Variants in SVEP1 observed in about 807,000 individuals in gnomAD.
SVEP1 encodes the protein sushi, von Willebrand factor type A, EGF and pentraxin domain-containing protein 1.
Under a neutral mutation model 367.3 loss-of-function variants are expected in SVEP1, and 164 were observed. The ratio of observed to expected loss-of-function variants is 0.45; its 90% CI spans 0.39 to 0.51. The LOEUF (loss-of-function observed/expected upper bound fraction) is 0.51, where lower values mean the gene tolerates loss of function less well. Among genes scored for constraint, SVEP1 ranks in the 20% least tolerant of loss-of-function variants. The probability of loss-of-function intolerance (pLI) is 0.00; values close to 1 mark genes in which losing one functional copy is unlikely to be tolerated. For synonymous variants in SVEP1, 1,666 were observed against 1,611.6 expected (o/e 1.03, Z -0.81); for missense variants, 4,117 against 4,425.3 (o/e 0.93, Z 1.98).
At position 110,366,607 on chromosome 9, in the gene SVEP1, T is replaced by TGAACTGAAGA. The variant is rs764464143; in HGVS notation, c.10695-57_10695-48dup. ...ACCAAATAGATTCAAAAGAAAAAAT[T>TGAACTGAAGA]GAACTGAAGAGCTAACATCTCTTTA... is the stretch of plus-strand genomic sequence containing the variant. On this transcript the variant is annotated intron_variant, in intron 47 of 47. Transcript: ENST00000374469. 7.3e-6 allele frequency: 11 copies of TGAACTGAAGA among 1,505,028 alleles called. No homozygotes were observed. The South Asian group carries it at 1.4e-4, about 19-fold the overall frequency. 93.2% of individuals were successfully genotyped at this position (1,505,028 alleles called of 1,614,324 possible).
chr9:110,489,855 G>A, intron 8 of SVEP1, 76 bp from the exon 9 acceptor site: 1 of 1,468,378 alleles, frequency 6.8e-7, no homozygotes, highest in Non-Finnish European at 9.1e-7. Context: ...TATATTATTA[G>A]TAATGTTAAC....
chr9:110,394,845 G>A (rs1827731105), intron 40 of SVEP1, among the ~76,000 whole-genome samples: 1 of 152,142 alleles, frequency 6.6e-6, no homozygotes, highest in African/African-American at 2.4e-5. Context: ...AGAAATATGG[G>A]ACTATGTGAA....
At chr9:110,451,528 C>G (rs900564964) in intron 22 of SVEP1, 126 bp from the exon 23 acceptor site, 1 of 599,352 alleles carries the variant, frequency 1.7e-6, no homozygotes, top group Non-Finnish European at 2.8e-6. Context: ...ATGTTTGTGA[C>G]AAACATGTTG....
intron 27 of SVEP1, among the ~76,000 whole-genome samples, chr9:110,440,921 C>T (rs1334224484): frequency 6.7e-6 from 1 of 149,192 alleles, no homozygotes; most frequent in Admixed American, 6.6e-5. Context: ...AAGGGCACAG[C>T]CATAAATTAA....
Position 110,481,394 on chromosome 9 carries a change from A to C in SVEP1, c.2213T>G (p.Phe738Cys). 6.2e-7 allele frequency: 1 copy of C among 1,604,206 alleles called. No individual in the cohort carries two copies. The highest frequency in any genetic ancestry group is 8.5e-7 in the Non-Finnish European group (1 of 1,175,368). ...TCCAGTATTATCTGGAGTGCATATA[A>C]AATCCCCATTTACAGGTGTGAATGG... is the stretch of plus-strand genomic sequence containing the variant. ...EIPFTPVNGD[F>C]ICTPDNTGVN... The change falls in exon 12 of 48, where the codon TTT (phenylalanine) becomes TGT (cysteine). Residue 738 changes from phenylalanine (F) to cysteine (C), a missense_variant. Physicochemically the swap from Phe to Cys is radical, Grantham distance 205. Around this residue, in one of 4 missense-constraint regions of SVEP1, gnomAD observed 2,174 missense variants for 2,494.3 expected, o/e 0.87. Transcript: ENST00000374469.
At chr9:110,412,801 C>T (rs952417988) in intron 36 of SVEP1, among the ~76,000 whole-genome samples, 10 of 152,218 alleles carry the variant, frequency 6.6e-5, no homozygotes, top group African/African-American at 2.4e-4. Context: ...TGCTCATCAT[C>T]ACTGGCCATC....
chr9:110,379,452 C>T lies in SVEP1; in HGVS notation c.10303G>A (p.Gly3435Arg), dbSNP rs751574081. The T allele has an allele frequency of 2.5e-6, 4 of 1,613,758 alleles. No individual in the cohort carries two copies. Among genetic ancestry groups the T allele is most frequent in the Non-Finnish European group, 3.4e-6 (4 of 1,179,780 alleles). Residue 3435 changes from glycine (G) to arginine (R), a missense_variant, in exon 44 of 48, where the codon GGA becomes AGA. Physicochemically the swap from Gly to Arg is moderately radical, Grantham distance 125. Coordinates refer to ENST00000374469, the MANE Select transcript of SVEP1 (RefSeq NM_153366.4). ...AIARGVHYQY[G>R]DMITYSCYSG... ...TAACATGAGTAGGTGATCATGTCTCCATATTGATAATGTACGCCTCGAGCA... is the reference window on the plus strand; with the variant it reads ...TAACATGAGTAGGTGATCATGTCTCTATATTGATAATGTACGCCTCGAGCA...
chr9:110,495,984 A>C (rs1829440074), intron 8 of SVEP1, among the ~76,000 whole-genome samples: 1 of 152,236 alleles, frequency 6.6e-6, no homozygotes, highest in African/African-American at 2.4e-5. Flanking sequence ...AAAGATCCTC[A>C]GAACCTAGTA....
chr9:110,390,341 T>TTATATATATACTTATATAAGTATA, intron 40 of SVEP1, among the ~76,000 whole-genome samples: 2 of 30,424 alleles, frequency 6.6e-5, no homozygotes, highest in East Asian at 3.5e-4. Flanking sequence ...ATACACATAC[T>TTATATATATACTTATATAAGTATA]TATATACACT....
chr9:110,378,246 T>C (rs1827382696), intron 44 of SVEP1, among the ~76,000 whole-genome samples: 1 of 152,216 alleles, frequency 6.6e-6, no homozygotes, highest in South Asian at 2.1e-4. Flanking sequence ...AAGTGAAGTC[T>C]GGGATATTCC....
chr9:110,504,220 A>ATT (rs35561615), intron 5 of SVEP1, among the ~76,000 whole-genome samples: 4,568 of 146,958 alleles, frequency 0.031, 218 homozygotes, highest in African/African-American at 0.1. Context: ...ACGCCCGGCT[A>ATT]TTTTTTTTTT....
intron 18 of SVEP1, among the ~76,000 whole-genome samples, chr9:110,460,353 T>C (rs1400683493): frequency 1.3e-5 from 2 of 152,238 alleles, no homozygotes; most frequent in African/African-American, 4.8e-5. Flanking sequence ...TTAAAAGTGT[T>C]ATCACAGTAG....
At chr9:110,504,316 T>G (rs1279225855) in intron 5 of SVEP1, among the ~76,000 whole-genome samples, 4 of 152,038 alleles carry the variant, frequency 2.6e-5, no homozygotes, top group Non-Finnish European at 5.9e-5. Flanking sequence ...AGCCTCGGCC[T>G]CCCAAAGTGC....
At chr9:110,476,442 C>G in intron 13 of SVEP1, 127 bp from the exon 14 acceptor site, 1 of 692,530 alleles carries the variant, frequency 1.4e-6, no homozygotes, top group Non-Finnish European at 2.5e-6. Flanking sequence ...GAGCTCTGCA[C>G]ATTCCTCAAA....
chr9:110,561,175 G>A (rs374360150), intron 1 of SVEP1, among the ~76,000 whole-genome samples: 4 of 152,024 alleles, frequency 2.6e-5, no homozygotes, highest in Admixed American at 2.0e-4. Context: ...ATGCGTTCTT[G>A]ATGTTTGCTC....
intron 5 of SVEP1, among the ~76,000 whole-genome samples, chr9:110,509,783 G>A (rs945733636): frequency 1.3e-5 from 2 of 152,170 alleles, no homozygotes; most frequent in African/African-American, 4.8e-5. Flanking sequence ...TTAACTTCAA[G>A]TTTCCATTCA....
chr9:110,494,867 T>C (rs1829422179), intron 8 of SVEP1, among the ~76,000 whole-genome samples: 2 of 152,108 alleles, frequency 1.3e-5, no homozygotes, highest in Admixed American at 1.3e-4. Flanking sequence ...CGCTAGAGAA[T>C]CACATCAATT....
chr9:110,533,742 T>G (rs780717725), intron 3 of SVEP1, among the ~76,000 whole-genome samples: 7 of 152,206 alleles, frequency 4.6e-5, no homozygotes, highest in Non-Finnish European at 7.3e-5. Flanking sequence ...TGGGCTATCA[T>G]TTTCAAATTG....
intron 43 of SVEP1, 129 bp downstream of exon 43, chr9:110,385,769 A>T: frequency 1.0e-6 from 1 of 977,316 alleles, no homozygotes; most frequent in Non-Finnish European, 1.4e-6. Flanking sequence ...ATTAATGAGG[A>T]AGATGATAAC....
Sources: gnomAD v4.1 joint callset for allele counts (sites outside exome capture counted in the v4.1 genomes callset) on GRCh38, gnomAD v4.1.1 for gene constraint, gnomAD v4.1.1 regional missense constraint, MANE v1.5 for transcripts, NCBI Gene and HGNC (gene_info 2026-07-23, HGNC 2026-07-21) for gene names.